SPRED2: variants seen among roughly 807,000 people sequenced by gnomAD.
SPRED2 encodes sprouty-related, EVH1 domain-containing protein 2.
Under a neutral mutation model 43.0 loss-of-function variants are expected in SPRED2, and 47 were observed. The observed-to-expected ratio is 1.09, with a 90% CI of 0.87 to 1.40. The LOEUF is 1.40. SPRED2 is among the 40% of genes most tolerant of loss of function. The probability of loss-of-function intolerance (pLI) is 0.00; values close to 1 mark genes in which losing one functional copy is unlikely to be tolerated. For missense variants in SPRED2, 561 were observed against 586.4 expected, an observed-to-expected ratio of 0.96 and a Z score of 0.45; for synonymous variants, 225 against 225.7, an observed-to-expected ratio of 1.00 and a Z score of 0.03.
At chr2:65,344,500 A>G in intron 2 of SPRED2, 1 of 692,902 alleles carries the variant, frequency 1.4e-6, no homozygotes, top group Non-Finnish European at 2.7e-6. Context: ...ACTTCTAAGC[A>G]TCTCGGATAA....
intron 2 of SPRED2, among the ~76,000 whole-genome samples, chr2:65,339,495 G>T (rs1674114366): frequency 6.6e-6 from 1 of 151,050 alleles, no homozygotes; most frequent in Non-Finnish European, 1.5e-5. Flanking sequence ...GGCGGTGCAA[G>T]ATGTGCTTTG....
chr2:65,432,129 A>T lies in SPRED2; in HGVS notation c.-142T>A. Reference sequence around the variant, plus strand: ...CGGCTAGAGATGAAGAGGGCGCCGCAGCAGAAGGGGAAGCAGGGCGCGGGA... The same window carrying T: ...CGGCTAGAGATGAAGAGGGCGCCGCTGCAGAAGGGGAAGCAGGGCGCGGGA... On this transcript the variant is annotated 5_prime_UTR_variant, in exon 1 of 6. Coordinates refer to ENST00000356388, the MANE Select transcript of SPRED2 (RefSeq NM_181784.3). 1.9e-6 allele frequency: 2 copies of T among 1,057,982 alleles called. No homozygotes were observed. Among genetic ancestry groups the T allele is most frequent in the Non-Finnish European group, 2.8e-6 (2 of 709,466 alleles). 65.5% of individuals were successfully genotyped at this position (1,057,982 alleles called of 1,614,324 possible). A position where few individuals can be genotyped will look rare whatever the true frequency, so the allele number is the denominator to read the frequency against.
intron 1 of SPRED2, among the ~76,000 whole-genome samples, chr2:65,385,447 G>T (rs1675472994): frequency 6.6e-6 from 1 of 152,216 alleles, no homozygotes; most frequent in South Asian, 2.1e-4. Flanking sequence ...TGTGAACTGG[G>T]CTACCCAGAC....
chr2:65,309,997 T>G (rs1673026745), downstream of SPRED2, among the ~76,000 whole-genome samples: 2 of 152,284 alleles, frequency 1.3e-5, no homozygotes, highest in African/African-American at 4.8e-5. Flanking sequence ...TTACTCACCC[T>G]TTCTAAGCTT....
At chr2:65,393,690 A>G (rs772532669) in intron 1 of SPRED2, among the ~76,000 whole-genome samples, 1 of 152,148 alleles carries the variant, frequency 6.6e-6, no homozygotes, top group African/African-American at 2.4e-5. Flanking sequence ...AAAGCGATTT[A>G]CCAGAAATGA....
intron 1 of SPRED2, among the ~76,000 whole-genome samples, chr2:65,348,859 C>T (rs1346225254): frequency 2.6e-5 from 4 of 151,860 alleles, no homozygotes; most frequent in African/African-American, 9.7e-5. Flanking sequence ...TACTTATTTA[C>T]TTATGAACCA....
At chr2:65,308,608 C>T (rs571546879), downstream of SPRED2, 6 of 982,848 alleles carry the variant, frequency 6.1e-6, no homozygotes, top group Admixed American at 2.5e-4. Context: ...AAGGAACTAG[C>T]ATTTTTGGGG....
At chr2:65,385,608 A>C (rs1675476913) in intron 1 of SPRED2, among the ~76,000 whole-genome samples, 1 of 152,158 alleles carries the variant, frequency 6.6e-6, no homozygotes, top group African/African-American at 2.4e-5. Context: ...GTGGGGAGAA[A>C]CCAGAGAGGA....
intron 1 of SPRED2, among the ~76,000 whole-genome samples, chr2:65,403,558 C>T (rs540542964): frequency 1.3e-5 from 2 of 152,310 alleles, no homozygotes; most frequent in Non-Finnish European, 2.9e-5. Context: ...TGAGCCACTA[C>T]GCCCATCTGG....
chr2:65,374,453 C>G (rs1188218676), intron 1 of SPRED2, among the ~76,000 whole-genome samples: 1 of 152,206 alleles, frequency 6.6e-6, no homozygotes, highest in Non-Finnish European at 1.5e-5. Context: ...TACTAAGATT[C>G]TAAATTCAGA....
At chr2:65,393,104 C>T (rs934086890) in intron 1 of SPRED2, among the ~76,000 whole-genome samples, 1 of 152,146 alleles carries the variant, frequency 6.6e-6, no homozygotes, top group African/African-American at 2.4e-5. Context: ...AAAAATAAGG[C>T]AGTATGTTAT....
In SPRED2 at chr2:65,311,354, G is replaced by A. The variant is rs968792351; in HGVS notation, c.*2147C>T. On this transcript the variant is annotated 3_prime_UTR_variant, in exon 6 of 6. Transcript: ENST00000356388. ...TATACGTGGAGTAAGATCTGCTAGC[G>A]TAACTCTTAAAAGGGTGGAAAAGGA... 8.1e-6 allele frequency: 8 copies of A among 985,672 alleles called. No homozygotes were observed. The highest frequency in any genetic ancestry group is 8.4e-6 in the Non-Finnish European group (7 of 829,926). 61.1% of individuals were successfully genotyped at this position (985,672 alleles called of 1,614,324 possible).
At position 65,312,345 on chromosome 2, in the gene SPRED2, CA is replaced by C. The variant is rs1030390459; in HGVS notation, c.*1155del. 4 of 985,086 alleles carry C rather than the reference CA, an allele frequency of 4.1e-6. No homozygotes were observed. The Admixed American group carries it at 2.5e-4, about 61-fold the overall frequency. 61.0% of individuals were successfully genotyped at this position (985,086 alleles called of 1,614,324 possible). A position where few individuals can be genotyped will look rare whatever the true frequency, so the allele number is the denominator to read the frequency against. On this transcript the variant is annotated 3_prime_UTR_variant, in exon 6 of 6. Coordinates refer to ENST00000356388, the MANE Select transcript of SPRED2 (RefSeq NM_181784.3). ...GAATTTGGTGATGTGAAATTGAGTC[CA>C]AAATGAAACGAAAACATAAACCCAT...
chr2:65,343,945 G>A (rs1232781327), intron 2 of SPRED2, among the ~76,000 whole-genome samples: 2 of 151,838 alleles, frequency 1.3e-5, no homozygotes, highest in Non-Finnish European at 2.9e-5. Context: ...TCAGGAGTTC[G>A]AGACCAACCT....
intron 4 of SPRED2, among the ~76,000 whole-genome samples, chr2:65,328,657 T>C (rs1673718006): frequency 6.6e-6 from 1 of 152,140 alleles, no homozygotes; most frequent in Non-Finnish European, 1.5e-5. Context: ...TCAAAAGAAA[T>C]ATGTTCATCC....
chr2:65,351,996 G>A (rs1469136057), intron 1 of SPRED2, among the ~76,000 whole-genome samples: 2 of 152,120 alleles, frequency 1.3e-5, no homozygotes, highest in African/African-American at 2.4e-5. Flanking sequence ...CTCTGTACAA[G>A]CCCCTGAAGG....
chr2:65,320,054 G>A (rs1180386332), intron 4 of SPRED2, among the ~76,000 whole-genome samples: 1 of 152,160 alleles, frequency 6.6e-6, no homozygotes, highest in Non-Finnish European at 1.5e-5. Flanking sequence ...ACAAACCCAG[G>A]AGATGAGGAG....
At chr2:65,338,089 C>T (rs1674020563) in intron 2 of SPRED2, among the ~76,000 whole-genome samples, 1 of 147,086 alleles carries the variant, frequency 6.8e-6, no homozygotes, top group Non-Finnish European at 1.5e-5. Flanking sequence ...GTGACCAGTG[C>T]ATGATGTTAC....
intron 1 of SPRED2, among the ~76,000 whole-genome samples, chr2:65,414,569 C>T (rs1043118255): frequency 6.6e-6 from 1 of 152,202 alleles, no homozygotes; most frequent in Non-Finnish European, 1.5e-5. Context: ...TCATTCCCAC[C>T]ACCCACAACT....
Sources: allele counts gnomAD v4.1 joint callset (sites outside exome capture counted in the v4.1 genomes callset), GRCh38; gene constraint gnomAD v4.1.1; transcripts MANE v1.5; gene names NCBI Gene and HGNC (gene_info 2026-07-23, HGNC 2026-07-21).